The following SERPINI2 variants were observed in gnomAD, a reference collection of about 807,000 sequenced individuals.
SERPINI2 encodes the protein serpin I2.
In SERPINI2, 48 loss-of-function variants were observed where a neutral mutation model predicts 47.3. That is an observed-to-expected ratio of 1.02 (90% confidence interval 0.81 to 1.29). The LOEUF (loss-of-function observed/expected upper bound fraction) is 1.29, where lower values mean the gene tolerates loss of function less well. Ranked by LOEUF, SERPINI2 falls within the 50% of genes most tolerant of loss-of-function variation. The pLI is 0.00. For synonymous variants in SERPINI2, 135 were observed against 149.3 expected, an observed-to-expected ratio of 0.90 and a Z score of 0.70; for missense variants, 448 against 456.9, an observed-to-expected ratio of 0.98 and a Z score of 0.18.
At chr3:167,475,585 A>G (rs1164319070), upstream of SERPINI2, among the ~76,000 whole-genome samples, 1 of 151,822 alleles carries the variant, frequency 6.6e-6, no homozygotes, top group African/African-American at 2.4e-5. Context: ...AGCAATAGCC[A>G]TAAATTTATT....
chr3:167,452,405 A>G (rs540663990), intron 6 of SERPINI2, among the ~76,000 whole-genome samples: 7 of 152,208 alleles, frequency 4.6e-5, no homozygotes, highest in Non-Finnish European at 7.3e-5. Context: ...GCGAGTTAGC[A>G]TAAGAGCTCC....
rs536633198 is a variant in SERPINI2 at position 167,449,690 on chromosome 3, C to T, written c.965-288G>A. Among the ~76,000 whole-genome samples, 14 of 97,348 alleles carry T rather than the reference C, an allele frequency of 1.4e-4. No individual in the cohort carries two copies. In the South Asian group the frequency reaches 1.8e-3, roughly 13 times the overall value. The allele number at this position is 97,348 out of a possible 152,430, so 63.9% of individuals were successfully genotyped here. A position where few individuals can be genotyped will look rare whatever the true frequency, so the allele number is the denominator to read the frequency against. On this transcript the variant is annotated intron_variant, in intron 6 of 8. Transcript: ENST00000264677. The stretch of plus-strand genomic sequence containing the variant: ...TGTATTTTTAGTAGAGGTGGGGTTT[C>T]GGCATGTTGGCCAGGTGGTCCCGAA...
At chr3:167,452,392 G>C (rs1225938266) in intron 6 of SERPINI2, among the ~76,000 whole-genome samples, 1 of 152,140 alleles carries the variant, frequency 6.6e-6, no homozygotes, top group Non-Finnish European at 1.5e-5. Flanking sequence ...GGATTCCCCT[G>C]ATGCGAGTTA....
chr3:167,450,186 T>A (rs1749604264), intron 6 of SERPINI2, among the ~76,000 whole-genome samples: 1 of 152,236 alleles, frequency 6.6e-6, no homozygotes, highest in South Asian at 2.1e-4. Context: ...AGCTATGAAA[T>A]TCTAAGGAAC....
upstream of SERPINI2, among the ~76,000 whole-genome samples, chr3:167,475,119 T>A (rs1750449468): frequency 6.6e-6 from 1 of 151,750 alleles, no homozygotes; most frequent in South Asian, 2.1e-4. Flanking sequence ...TGATTTCCCA[T>A]ATAGGCATCT....
At chr3:167,462,702 A>C (rs754306647) in intron 5 of SERPINI2, among the ~76,000 whole-genome samples, 2 of 152,186 alleles carry the variant, frequency 1.3e-5, no homozygotes, top group Non-Finnish European at 2.9e-5. Context: ...GTCTGTGTCT[A>C]CACTGTGGGG....
chr3:167,466,931 T>C (rs995417023), intron 3 of SERPINI2, 124 bp downstream of exon 3: 58 of 495,164 alleles, frequency 1.2e-4, no homozygotes, highest in Non-Finnish European at 1.8e-4. Context: ...TGAAATGAAA[T>C]AGGATATTTG....
intron 5 of SERPINI2, among the ~76,000 whole-genome samples, chr3:167,464,485 C>G (rs962068212): frequency 6.6e-6 from 1 of 151,960 alleles, no homozygotes; most frequent in African/African-American, 2.4e-5. Flanking sequence ...TTTAAGAGAC[C>G]AATGGCCAGA....
chr3:167,443,065 AATAGAC>A (rs1266080696), intron 8 of SERPINI2, among the ~76,000 whole-genome samples: 1 of 152,226 alleles, frequency 6.6e-6, no homozygotes, highest in African/African-American at 2.4e-5. Context: ...ATAACATGGA[AATAGAC>A]ATAAACTCCA....
At chr3:167,470,555 T>C (rs1410716865) in intron 2 of SERPINI2, among the ~76,000 whole-genome samples, 1 of 54,334 alleles carries the variant, frequency 1.8e-5, no homozygotes, top group South Asian at 6.6e-4. Context: ...AACAACTTTT[T>C]TTTTTTTTTT....
At chr3:167,474,813 A>T (rs905032722), upstream of SERPINI2, among the ~76,000 whole-genome samples, 16 of 151,746 alleles carry the variant, frequency 1.1e-4, 1 homozygote, top group Non-Finnish European at 4.4e-5. Context: ...CAATCACCTC[A>T]ATGGCAATCA....
chr3:167,474,198 C>T (rs1750426762), upstream of SERPINI2: 13 of 840,102 alleles, frequency 1.5e-5, no homozygotes, highest in African/African-American at 3.7e-5. Flanking sequence ...TAATGATCAA[C>T]TGATGAAATG....
chr3:167,446,455 G>A (rs1178687981), exon 8 of SERPINI2: 1 of 1,608,692 alleles, frequency 6.2e-7, no homozygotes, highest in Non-Finnish European at 8.5e-7. Flanking sequence ...CTTTGAGCCA[G>A]ACTCATGATC....
At chr3:167,453,584 G>A (rs1749701507) in intron 5 of SERPINI2, among the ~76,000 whole-genome samples, 1 of 151,106 alleles carries the variant, frequency 6.6e-6, no homozygotes, top group Non-Finnish European at 1.5e-5. Context: ...CTTTTAAATA[G>A]GCCCTATAAA....
intron 8 of SERPINI2, among the ~76,000 whole-genome samples, chr3:167,445,912 C>T (rs1749465512): frequency 6.6e-6 from 1 of 152,172 alleles, no homozygotes; most frequent in Non-Finnish European, 1.5e-5. Context: ...TTACCTTTGA[C>T]TCCTTCCTAT....
intron 1 of SERPINI2, chr3:167,473,634 A>C (rs1750400890): frequency 2.1e-6 from 1 of 474,822 alleles, no homozygotes; most frequent in Non-Finnish European, 3.6e-6. Flanking sequence ...TTAATAATTA[A>C]ATTTATATTA....
At chr3:167,446,322 T>G (rs1577166651) in intron 8 of SERPINI2, 70 bp downstream of exon 8, 3 of 980,334 alleles carry the variant, frequency 3.1e-6, no homozygotes, top group Non-Finnish European at 1.6e-6. Flanking sequence ...ATATGTACAT[T>G]GCAATTAGAA....
rs11407272 is a variant in SERPINI2 at position 167,455,593 on chromosome 3, CA to C, written c.867-2561del. Among the ~76,000 whole-genome samples, 199 of 123,212 alleles carry C rather than the reference CA, an allele frequency of 1.6e-3. 2 individuals are homozygous for C. Among genetic ancestry groups the C allele is most frequent in the African/African-American group, 3.3e-3 (113 of 34,338 alleles). 80.8% of individuals were successfully genotyped at this position (123,212 alleles called of 152,430 possible). ...CACTGCTATAAAGAAATACGAGTCT[CA>C]AAAAAAAAAAAAGAAAAGAAAAGAA... On this transcript the variant is annotated intron_variant, in intron 5 of 8. Coordinates refer to ENST00000264677, the Ensembl canonical transcript of SERPINI2.
At chr3:167,444,957 T>G (rs912410365) in intron 8 of SERPINI2, among the ~76,000 whole-genome samples, 1 of 152,160 alleles carries the variant, frequency 6.6e-6, no homozygotes, top group Non-Finnish European at 1.5e-5. Context: ...CCAATGTAGC[T>G]TTTTTTCTTT....
Sources: allele counts gnomAD v4.1 joint callset (sites outside exome capture counted in the v4.1 genomes callset), GRCh38; gene constraint gnomAD v4.1.1; transcripts MANE v1.5; gene names NCBI Gene and HGNC (gene_info 2026-07-23, HGNC 2026-07-21).